NOL4: variants seen among roughly 807,000 people sequenced by gnomAD.
The protein encoded by NOL4 is nucleolar protein 4, also known as cancer/testis antigen 125.
Under a neutral mutation model 75.9 loss-of-function variants are expected in NOL4, and 17 were observed. The ratio of observed to expected loss-of-function variants is 0.22; its 90% CI spans 0.15 to 0.34. The LOEUF (loss-of-function observed/expected upper bound fraction) is 0.34, where lower values mean the gene tolerates loss of function less well. NOL4 is among the 10% of genes least tolerant of loss of function. The pLI is 1.00. For missense variants in NOL4, 614 were observed against 793.5 expected, an observed-to-expected ratio of 0.77 and a Z score of 2.72; for synonymous variants, 292 against 289.9, an observed-to-expected ratio of 1.01 and a Z score of -0.07.
At chr18:33,866,137 C>A (rs551147522) in intron 10 of NOL4, among the ~76,000 whole-genome samples, 7 of 152,222 alleles carry the variant, frequency 4.6e-5, no homozygotes, top group African/African-American at 1.7e-4. Flanking sequence ...TAAATTAGAT[C>A]TCCTTCATAA....
intron 2 of NOL4, among the ~76,000 whole-genome samples, chr18:34,125,339 T>C (rs928919949): frequency 5.9e-5 from 9 of 152,184 alleles, no homozygotes; most frequent in African/African-American, 2.2e-4. Context: ...TTATATCATA[T>C]ATGTGAGTGA....
At chr18:33,870,983 C>T (rs970006689) in intron 10 of NOL4, among the ~76,000 whole-genome samples, 2 of 151,954 alleles carry the variant, frequency 1.3e-5, no homozygotes, top group African/African-American at 4.8e-5. Flanking sequence ...AGTGAGTGGA[C>T]CAAGCAACAA....
intron 1 of NOL4, among the ~76,000 whole-genome samples, chr18:34,206,629 C>T (rs1006939508): frequency 2.0e-5 from 3 of 152,066 alleles, no homozygotes; most frequent in Admixed American, 1.3e-4. Flanking sequence ...CTACAAATAA[C>T]GTGTAATTTT....
intron 6 of NOL4, among the ~76,000 whole-genome samples, chr18:33,963,441 A>C (rs1478441182): frequency 6.6e-6 from 1 of 152,140 alleles, no homozygotes; most frequent in Non-Finnish European, 1.5e-5. Flanking sequence ...TATGGCAGCC[A>C]TTTGCCCCAT....
chr18:33,942,746 G>A (rs2145570202), intron 9 of NOL4, among the ~76,000 whole-genome samples: 1 of 151,846 alleles, frequency 6.6e-6, no homozygotes, highest in Non-Finnish European at 1.5e-5. Flanking sequence ...AAGTCATGAG[G>A]TAAATTTACA....
chr18:33,872,254 T>A (rs542836684), intron 10 of NOL4, among the ~76,000 whole-genome samples: 4 of 152,106 alleles, frequency 2.6e-5, no homozygotes, highest in South Asian at 4.1e-4. Flanking sequence ...TAAATTCTTT[T>A]AAAATTTGTT....
intron 1 of NOL4, 27 bp from the exon 2 acceptor site, chr18:34,130,047 AC>A: frequency 1.3e-6 from 2 of 1,500,522 alleles, no homozygotes; most frequent in Non-Finnish European, 8.9e-7. Context: ...AACAACAAAA[AC>A]CCATAAGATT....
At chr18:34,216,208 A>C (rs1005897706) in intron 1 of NOL4, among the ~76,000 whole-genome samples, 7 of 152,216 alleles carry the variant, frequency 4.6e-5, no homozygotes, top group Non-Finnish European at 1.0e-4. Context: ...AATATATCTT[A>C]GCAAAATAAT....
chr18:34,219,805 AGT>A (rs1216541814), intron 1 of NOL4, among the ~76,000 whole-genome samples: 1 of 152,254 alleles, frequency 6.6e-6, no homozygotes, highest in Non-Finnish European at 1.5e-5. Flanking sequence ...CGTGCGCGTG[AGT>A]GTGCAGTGCA....
At chr18:33,939,709 T>C (rs902652926) in intron 9 of NOL4, among the ~76,000 whole-genome samples, 4 of 152,138 alleles carry the variant, frequency 2.6e-5, no homozygotes, top group Admixed American at 2.0e-4. Context: ...TACAATAATG[T>C]CATCTGCAAA....
At chr18:34,024,569 C>G (rs1309746027) in intron 5 of NOL4, among the ~76,000 whole-genome samples, 1 of 151,694 alleles carries the variant, frequency 6.6e-6, no homozygotes, top group Non-Finnish European at 1.5e-5. Context: ...ACAAAACAAA[C>G]AACAACAACA....
chr18:33,860,845 AG>A (rs1422569769), intron 10 of NOL4, among the ~76,000 whole-genome samples: 2 of 151,864 alleles, frequency 1.3e-5, no homozygotes, highest in African/African-American at 4.8e-5. Flanking sequence ...TAGCATGAAG[AG>A]TTGTTGAATT....
intron 2 of NOL4, among the ~76,000 whole-genome samples, chr18:34,110,015 C>T (rs1402498584): frequency 6.6e-6 from 1 of 150,630 alleles, no homozygotes; most frequent in East Asian, 2.0e-4. Flanking sequence ...AATCAAAAAC[C>T]TCCCAATAAA....
At chr18:34,089,896 A>G (rs2078427104) in intron 5 of NOL4, among the ~76,000 whole-genome samples, 1 of 152,138 alleles carries the variant, frequency 6.6e-6, no homozygotes, top group Non-Finnish European at 1.5e-5. Context: ...TGTGTGTTAT[A>G]TGAGGTAGGT....
intron 1 of NOL4, among the ~76,000 whole-genome samples, chr18:34,134,493 CACAT>C (rs1600691480): frequency 7.7e-6 from 1 of 130,196 alleles, no homozygotes; most frequent in African/African-American, 2.8e-5. Flanking sequence ...CACACACACA[CACAT>C]TGATGAAGCA....
At chr18:33,886,824 T>C (rs1182482363) in intron 9 of NOL4, among the ~76,000 whole-genome samples, 1 of 139,674 alleles carries the variant, frequency 7.2e-6, no homozygotes, top group East Asian at 2.0e-4. Flanking sequence ...TATATCTATA[T>C]ACATATATAT....
At chr18:33,854,079 T>C (rs1285349079) in intron 10 of NOL4, among the ~76,000 whole-genome samples, 2 of 152,118 alleles carry the variant, frequency 1.3e-5, no homozygotes, top group Non-Finnish European at 2.9e-5. Flanking sequence ...TAAACATGTG[T>C]TCCAAAACTG....
chr18:34,039,073 G>C (rs2076031825), intron 5 of NOL4, among the ~76,000 whole-genome samples: 1 of 151,818 alleles, frequency 6.6e-6, no homozygotes, highest in Admixed American at 6.6e-5. Flanking sequence ...AAACAATATA[G>C]ACATCAGAAC....
chr18:33,921,407 T>C (rs753868038), intron 9 of NOL4, among the ~76,000 whole-genome samples: 3 of 152,110 alleles, frequency 2.0e-5, no homozygotes, highest in Non-Finnish European at 4.4e-5. Flanking sequence ...ATGGGTTGAA[T>C]TGTGTCCCCA....
Sources: allele counts gnomAD v4.1 joint callset (sites outside exome capture counted in the v4.1 genomes callset), GRCh38; gene constraint gnomAD v4.1.1; transcripts MANE v1.5; gene names NCBI Gene and HGNC (gene_info 2026-07-23, HGNC 2026-07-21).